Variants in MKLN1 observed in about 807,000 individuals in gnomAD.
MKLN1 encodes the protein muskelin.
Under a neutral mutation model 99.0 loss-of-function variants are expected in MKLN1, and 18 were observed. The ratio of observed to expected loss-of-function variants is 0.18; its 90% CI spans 0.13 to 0.27. MKLN1 has a LOEUF of 0.27. Ranked by LOEUF, MKLN1 falls within the 10% of genes least tolerant of loss-of-function variation. The pLI is 1.00. For synonymous variants in MKLN1, 288 were observed against 293.2 expected (o/e 0.98, Z 0.18); for missense variants, 621 against 875.9 (o/e 0.71, Z 3.67).
rs115451263 is a variant in MKLN1, at chr7:131,317,897, A to G, written c.-178-57527A>G. ...GGGATCAATGCAACTAACAATAGTT[A>G]GAGAAGAGCTAACTATCCTAAATAT... On this transcript the variant is annotated intron_variant, in intron 3 of 7. Transcript: ENST00000416992. Among the ~76,000 whole-genome samples, 1,224 of 151,726 alleles carry G rather than the reference A, an allele frequency of 8.1e-3. 17 individuals carry two copies. The highest frequency in any genetic ancestry group is 0.029 in the African/African-American group (1,191 of 41,458).
chr7:131,293,630 G>A (rs1181327103), intron 3 of MKLN1, among the ~76,000 whole-genome samples: 1 of 152,110 alleles, frequency 6.6e-6, no homozygotes, highest in Non-Finnish European at 1.5e-5. Flanking sequence ...GCAACATGGT[G>A]AGACCATCTC....
At chr7:131,405,472 C>G (rs974928800) in intron 6 of MKLN1, among the ~76,000 whole-genome samples, 6 of 152,098 alleles carry the variant, frequency 3.9e-5, no homozygotes, top group Admixed American at 3.9e-4. Context: ...GCTCTGTTTA[C>G]TGTTGTCTTC....
intron 1 of MKLN1, among the ~76,000 whole-genome samples, chr7:131,122,062 C>T (rs1254079012): frequency 6.6e-6 from 1 of 152,180 alleles, no homozygotes; most frequent in Non-Finnish European, 1.5e-5. Flanking sequence ...TTGTTTCTCT[C>T]GTAAGCGTTA....
At chr7:131,414,754 A>C in intron 8 of MKLN1, 44 bp downstream of exon 8, 1 of 1,101,752 alleles carries the variant, frequency 9.1e-7, no homozygotes. Flanking sequence ...CATTGGCTAC[A>C]GGCATCGTCT....
intron 3 of MKLN1, among the ~76,000 whole-genome samples, chr7:131,261,405 CACTA>C (rs149533408): frequency 0.012 from 1,838 of 152,264 alleles, 41 homozygotes; most frequent in African/African-American, 0.042. Context: ...TGCTCAGCGT[CACTA>C]ACTATTAGAG....
intron 16 of MKLN1, among the ~76,000 whole-genome samples, chr7:131,475,791 G>A (rs1796948275): frequency 1.3e-5 from 2 of 152,168 alleles, no homozygotes; most frequent in East Asian, 3.8e-4. Flanking sequence ...GAACCTTGGT[G>A]ACAGAGTGGG....
At chr7:131,152,086 G>C (rs1795896092) in intron 2 of MKLN1, among the ~76,000 whole-genome samples, 1 of 152,142 alleles carries the variant, frequency 6.6e-6, no homozygotes, top group African/African-American at 2.4e-5. Flanking sequence ...ACTTTCAGAG[G>C]CTGGGGCAGG....
At chr7:131,186,453 A>C (rs1188318450) in intron 2 of MKLN1, among the ~76,000 whole-genome samples, 2 of 152,310 alleles carry the variant, frequency 1.3e-5, no homozygotes, top group East Asian at 1.9e-4. Context: ...GGCTGCAGAG[A>C]ACCATGATCG....
At chr7:131,465,688 G>A (rs565857500) in intron 14 of MKLN1, among the ~76,000 whole-genome samples, 41 of 152,048 alleles carry the variant, frequency 2.7e-4, no homozygotes, top group African/African-American at 4.6e-4. Flanking sequence ...ACAGGCGCCC[G>A]CCACCACGCC....
At chr7:131,308,073 T>C (rs992137189) in intron 3 of MKLN1, among the ~76,000 whole-genome samples, 1 of 152,190 alleles carries the variant, frequency 6.6e-6, no homozygotes, top group African/African-American at 2.4e-5. Context: ...TGAATTCTCA[T>C]GAGATCTGAT....
chr7:131,308,612 T>C (rs1181269257), intron 3 of MKLN1, among the ~76,000 whole-genome samples: 1 of 148,026 alleles, frequency 6.8e-6, no homozygotes, highest in Non-Finnish European at 1.5e-5. Flanking sequence ...TGAGACAGAG[T>C]TTCACTCCTT....
At chr7:131,385,613 T>TC (rs1198579698) in intron 2 of MKLN1, among the ~76,000 whole-genome samples, 4 of 152,214 alleles carry the variant, frequency 2.6e-5, no homozygotes, top group African/African-American at 9.6e-5. Context: ...ATTTTCCTGA[T>TC]GACTAATGAT....
intron 3 of MKLN1, among the ~76,000 whole-genome samples, chr7:131,267,001 C>A (rs186377455): frequency 2.1e-4 from 32 of 151,958 alleles, no homozygotes; most frequent in Admixed American, 2.0e-3. Context: ...CCTAAGTCAA[C>A]CTCTCTCATC....
At chr7:131,115,482 T>C (rs2116846554) in intron 1 of MKLN1, among the ~76,000 whole-genome samples, 1 of 152,334 alleles carries the variant, frequency 6.6e-6, no homozygotes, top group East Asian at 1.9e-4. Flanking sequence ...TCTGCTCTTG[T>C]CCTCATTCAC....
chr7:131,126,707 C>T (rs1795466945), intron 1 of MKLN1, among the ~76,000 whole-genome samples: 1 of 152,202 alleles, frequency 6.6e-6, no homozygotes, highest in South Asian at 2.1e-4. Flanking sequence ...GTGCGTGCCA[C>T]TGTGCCTGGC....
intron 6 of MKLN1, among the ~76,000 whole-genome samples, chr7:131,406,101 CAA>C (rs1261267492): frequency 6.6e-6 from 1 of 151,914 alleles, no homozygotes; most frequent in African/African-American, 2.4e-5. Flanking sequence ...TAATTGAAAA[CAA>C]ATTTTAAATT....
intron 1 of MKLN1, among the ~76,000 whole-genome samples, chr7:131,334,598 C>T (rs1407257714): frequency 1.3e-5 from 2 of 152,048 alleles, no homozygotes; most frequent in African/African-American, 4.8e-5. Flanking sequence ...ATTTTTTGGG[C>T]ACATGGGTAA....
intron 3 of MKLN1, among the ~76,000 whole-genome samples, chr7:131,203,467 T>C (rs1174846125): frequency 6.6e-6 from 1 of 152,140 alleles, no homozygotes; most frequent in Non-Finnish European, 1.5e-5. Flanking sequence ...ATTTTTGTGC[T>C]GCGGTGACTT....
At chr7:131,175,825 G>A (rs113201726) in intron 2 of MKLN1, among the ~76,000 whole-genome samples, 5 of 152,110 alleles carry the variant, frequency 3.3e-5, no homozygotes, top group Non-Finnish European at 7.4e-5. Flanking sequence ...GCTTGAACCC[G>A]GGAGGTGGAG....
Sources: gnomAD v4.1 joint callset for allele counts (sites outside exome capture counted in the v4.1 genomes callset) on GRCh38, gnomAD v4.1.1 for gene constraint, MANE v1.5 for transcripts, NCBI Gene and HGNC (gene_info 2026-07-23, HGNC 2026-07-21) for gene names.